FGD4: variants seen among roughly 807,000 people sequenced by gnomAD.
FGD4 encodes the protein FYVE, RhoGEF and PH domain-containing protein 4.
Under a neutral mutation model 102.0 loss-of-function variants are expected in FGD4, and 42 were observed. The observed-to-expected ratio is 0.41, with a 90% confidence interval of 0.32 to 0.53. The LOEUF is 0.53. FGD4 is among the 20% of genes least tolerant of loss of function. The probability of loss-of-function intolerance (pLI) is 0.21; values close to 1 mark genes in which losing one functional copy is unlikely to be tolerated. For missense variants in FGD4, 902 were observed against 1,078.2 expected, an observed-to-expected ratio of 0.84 and a Z score of 2.29; for synonymous variants, 380 against 375.7, an observed-to-expected ratio of 1.01 and a Z score of -0.13.
intron 1 of FGD4, among the ~76,000 whole-genome samples, chr12:32,440,144 C>T (rs1942382814): frequency 6.6e-6 from 1 of 152,176 alleles, no homozygotes. Context: ...CAGGATTGGT[C>T]CCTGGAGCTT....
chr12:32,534,838 G>A (rs1942110734), intron 1 of FGD4, among the ~76,000 whole-genome samples: 2 of 152,148 alleles, frequency 1.3e-5, no homozygotes, highest in South Asian at 4.1e-4. Context: ...TCCCATTTCT[G>A]GTGTGAACAA....
chr12:32,571,944 T>C (rs1357616107), intron 2 of FGD4, among the ~76,000 whole-genome samples: 1 of 152,104 alleles, frequency 6.6e-6, no homozygotes, highest in Non-Finnish European at 1.5e-5. Context: ...CTGTCACCTG[T>C]AATCCCAGCT....
chr12:32,540,147 A>T (rs1242306205), intron 1 of FGD4, among the ~76,000 whole-genome samples: 1 of 152,218 alleles, frequency 6.6e-6, no homozygotes, highest in African/African-American at 2.4e-5. Context: ...ATGTAACTGT[A>T]TTCACTATAC....
chr12:32,515,888 A>G (rs1208707155), intron 1 of FGD4, among the ~76,000 whole-genome samples: 1 of 152,226 alleles, frequency 6.6e-6, no homozygotes, highest in African/African-American at 2.4e-5. Flanking sequence ...ATAAATTGAA[A>G]ACTATGGTTT....
intron 1 of FGD4, chr12:32,486,168 T>C: frequency 1.3e-6 from 2 of 1,522,352 alleles, no homozygotes; most frequent in Non-Finnish European, 1.8e-6. Context: ...GCAATTGCCA[T>C]TTCTGAAATA....
chr12:32,609,342 T>G (rs976728995), intron 8 of FGD4, among the ~76,000 whole-genome samples: 2 of 152,262 alleles, frequency 1.3e-5, no homozygotes, highest in South Asian at 2.1e-4. Context: ...GTCTCCATTT[T>G]CCATCCATCT....
At position 32,645,904 on chromosome 12, in the gene FGD4, A is replaced by C. The variant is rs1951381952; in HGVS notation, c.*5371A>C. ...TTCTTTTCTAGCTATGTGAATGTAA[A>C]ATACTTGCAGATAATGTATATATTG... On this transcript the variant is annotated 3_prime_UTR_variant, in exon 17 of 17. Coordinates refer to ENST00000534526, the MANE Select transcript of FGD4 (RefSeq NM_001370298.3). The C allele has an allele frequency of 6.6e-6, 1 of 152,238 alleles. No homozygotes were observed. Among genetic ancestry groups the C allele is most frequent in the Non-Finnish European group, 1.5e-5 (1 of 68,048 alleles). 9.4% of individuals were successfully genotyped at this position (152,238 alleles called of 1,614,324 possible). A position where few individuals can be genotyped will look rare whatever the true frequency, so the allele number is the denominator to read the frequency against.
At chr12:32,407,652 T>G (rs1212040287) in intron 1 of FGD4, among the ~76,000 whole-genome samples, 1 of 152,178 alleles carries the variant, frequency 6.6e-6, no homozygotes, top group African/African-American at 2.4e-5. Context: ...GACTCCTCAT[T>G]GCACTTTTTC....
At chr12:32,576,131 T>C (rs914177622) in intron 2 of FGD4, 135 bp from the exon 3 acceptor site, 17 of 830,738 alleles carry the variant, frequency 2.0e-5, no homozygotes, top group Middle Eastern at 3.1e-4. Context: ...GGTTATGGTT[T>C]AGTTCAAAAT....
At position 32,558,094 on chromosome 12, in the gene FGD4, A is replaced by G. The variant is rs76005969; in HGVS notation, c.167-6043A>G. The stretch of plus-strand genomic sequence containing the variant: ...ACCCCAAACCCATAACCACAGTCTC[A>G]TAATGAGAAAATAACAGAAACCCAA... On this transcript the variant is annotated intron_variant, in intron 1 of 16. Coordinates refer to ENST00000534526, the MANE Select transcript of FGD4 (RefSeq NM_001370298.3). 4.3e-3 allele frequency among the ~76,000 whole-genome samples: 653 copies of G among 152,332 alleles called. 3 individuals carry two copies. The highest frequency in any genetic ancestry group is 0.015 in the South Asian group (70 of 4,822).
chr12:32,569,867 T>TTTTATAAA (rs76913042), intron 2 of FGD4, among the ~76,000 whole-genome samples: 5,251 of 152,144 alleles, frequency 0.035, 153 homozygotes, highest in African/African-American at 0.085. Flanking sequence ...TTCTTAGTGG[T>TTTTATAAA]TTTATAAATT....
chr12:32,532,536 T>G (rs1161659568), intron 1 of FGD4, among the ~76,000 whole-genome samples: 2 of 152,168 alleles, frequency 1.3e-5, no homozygotes, highest in Non-Finnish European at 2.9e-5. Flanking sequence ...TGGAAAATGC[T>G]TAACATAGCA....
intron 1 of FGD4, among the ~76,000 whole-genome samples, chr12:32,421,150 A>G (rs904531950): frequency 1.3e-5 from 2 of 152,186 alleles, no homozygotes; most frequent in African/African-American, 4.8e-5. Flanking sequence ...ATATTCAAGG[A>G]GAGGCTAGAT....
At chr12:32,581,070 A>G (rs1385326118) in intron 3 of FGD4, among the ~76,000 whole-genome samples, 2 of 152,176 alleles carry the variant, frequency 1.3e-5, no homozygotes, top group African/African-American at 4.8e-5. Context: ...AATCTAGGAA[A>G]GCCTCTTTGG....
At chr12:32,400,048 C>A in intron 1 of FGD4, 89 bp downstream of exon 1, 3 of 1,390,234 alleles carry the variant, frequency 2.2e-6, no homozygotes, top group South Asian at 1.6e-5. Context: ...TGCGCCCTCT[C>A]GTCCCCCGCT....
At chr12:32,612,887 A>C (rs1400966653) in intron 10 of FGD4, among the ~76,000 whole-genome samples, 1 of 152,154 alleles carries the variant, frequency 6.6e-6, no homozygotes, top group Non-Finnish European at 1.5e-5. Context: ...TCTCAAATAT[A>C]AGAGCACTTC....
intron 8 of FGD4, among the ~76,000 whole-genome samples, chr12:32,608,856 C>T (rs188334580): frequency 3.3e-5 from 5 of 152,198 alleles, no homozygotes; most frequent in East Asian, 1.9e-4. Context: ...AGACGAAGTA[C>T]GTAAAACATT....
intron 10 of FGD4, 91 bp from the exon 11 acceptor site, chr12:32,619,604 CCTG>C (rs2136876889): frequency 7.1e-7 from 1 of 1,399,954 alleles, no homozygotes; most frequent in South Asian, 1.2e-5. Flanking sequence ...TACACTCCAG[CCTG>C]GGCAACAGAG....
chr12:32,602,273 A>G lies in FGD4; in HGVS notation c.1360A>G (p.Thr454Ala). 1 of 1,614,166 alleles carries G rather than the reference A, an allele frequency of 6.2e-7. No individual in the cohort carries two copies. The highest frequency in any genetic ancestry group is 8.5e-7 in the Non-Finnish European group (1 of 1,180,024). The change falls in exon 7 of 17, where the codon ACA becomes GCA. Residue 454 changes from threonine (T) to alanine (A), a missense_variant. Physicochemically the swap from Thr to Ala is moderately conservative, Grantham distance 58. Around this residue, in one of 2 missense-constraint regions of FGD4, gnomAD observed 459 missense variants for 619.0 expected, o/e 0.74. Transcript: ENST00000534526. ...TGCAATGGAATTGGTTAAAAACATGACAGAACGTATTCCCCAGTTCAAATC... is the reference window on the plus strand; with the variant it reads ...TGCAATGGAATTGGTTAAAAACATGGCAGAACGTATTCCCCAGTTCAAATC... ...DNAMELVKNM[T>A]ERIPQFKSVV...
Sources: gnomAD v4.1 joint callset for allele counts (sites outside exome capture counted in the v4.1 genomes callset) on GRCh38, gnomAD v4.1.1 for gene constraint, gnomAD v4.1.1 regional missense constraint, MANE v1.5 for transcripts, NCBI Gene and HGNC (gene_info 2026-07-23, HGNC 2026-07-21) for gene names.